CCDC192: variants seen among roughly 807,000 people sequenced by gnomAD.
CCDC192 encodes the protein coiled-coil domain-containing protein 192.
chr5:127,723,028 C>G (rs1752115160), intron 2 of CCDC192, among the ~76,000 whole-genome samples: 1 of 152,064 alleles, frequency 6.6e-6, no homozygotes, highest in African/African-American at 2.4e-5. Flanking sequence ...TGCATTGAAT[C>G]CGTACATTGC....
At chr5:127,927,955 T>C (rs1182458790) in intron 6 of CCDC192, among the ~76,000 whole-genome samples, 2 of 149,346 alleles carry the variant, frequency 1.3e-5, no homozygotes, top group African/African-American at 5.0e-5. Context: ...TTTTTTTTTT[T>C]TTTGAGACGG....
chr5:127,813,772 A>G (rs1374179530), intron 5 of CCDC192, among the ~76,000 whole-genome samples: 1 of 152,208 alleles, frequency 6.6e-6, no homozygotes, highest in African/African-American at 2.4e-5. Flanking sequence ...TTAAATATGA[A>G]TCATCTTAAA....
chr5:127,839,261 AT>A (rs1255824179), intron 5 of CCDC192, among the ~76,000 whole-genome samples: 1 of 152,246 alleles, frequency 6.6e-6, no homozygotes, highest in African/African-American at 2.4e-5. Context: ...GTAGATGACC[AT>A]TCAAAGTCAT....
At chr5:127,805,743 G>C (rs759529587) in intron 5 of CCDC192, among the ~76,000 whole-genome samples, 4 of 152,262 alleles carry the variant, frequency 2.6e-5, no homozygotes, top group Middle Eastern at 3.4e-3. Context: ...TGTTGCATGT[G>C]TTCATTATAT....
At chr5:127,720,827 G>A (rs1212656227) in intron 2 of CCDC192, among the ~76,000 whole-genome samples, 1 of 152,204 alleles carries the variant, frequency 6.6e-6, no homozygotes, top group Non-Finnish European at 1.5e-5. Context: ...TGAAACAACA[G>A]GCTGAGCTGT....
At chr5:127,782,178 G>A (rs1421027425) in intron 3 of CCDC192, among the ~76,000 whole-genome samples, 3 of 152,158 alleles carry the variant, frequency 2.0e-5, no homozygotes, top group Non-Finnish European at 4.4e-5. Context: ...ACTTGATCAT[G>A]GTGGATTATC....
At chr5:127,725,919 T>C (rs960531988) in intron 2 of CCDC192, among the ~76,000 whole-genome samples, 1 of 152,198 alleles carries the variant, frequency 6.6e-6, no homozygotes, top group African/African-American at 2.4e-5. Flanking sequence ...AAGATTATTA[T>C]TAATTTCACT....
At chr5:127,769,986 A>G (rs939615547) in intron 3 of CCDC192, among the ~76,000 whole-genome samples, 2 of 152,062 alleles carry the variant, frequency 1.3e-5, no homozygotes, top group African/African-American at 4.8e-5. Flanking sequence ...TTGAGAGAGA[A>G]TGGGCAAAGA....
At chr5:127,868,009 C>CTTTTTTT (rs11440985) in intron 5 of CCDC192, among the ~76,000 whole-genome samples, 3 of 133,478 alleles carry the variant, frequency 2.2e-5, no homozygotes, top group Non-Finnish European at 3.2e-5. Flanking sequence ...TTTTCTTTTT[C>CTTTTTTT]TTTTTTTTTT....
chr5:127,940,668 C>T (rs1286261230), intron 6 of CCDC192: 1 of 152,184 alleles, frequency 6.6e-6, no homozygotes, highest in Non-Finnish European at 1.5e-5. Flanking sequence ...CCAGGATGGT[C>T]TCGATCTCCT....
chr5:127,784,788 T>A, intron 3 of CCDC192: 2 of 487,664 alleles, frequency 4.1e-6, no homozygotes, highest in South Asian at 3.4e-5. Flanking sequence ...CTCATCTTCA[T>A]GATTCTCATG....
In CCDC192 at chr5:127,941,476, A is replaced by G. The variant is rs1021128175; in HGVS notation, c.*8A>G. 3 of 398,954 alleles carry G rather than the reference A, an allele frequency of 7.5e-6. No individual in the cohort carries two copies. Among genetic ancestry groups the G allele is most frequent in the South Asian group, 1.3e-4 (1 of 7,860 alleles). 24.7% of individuals were successfully genotyped at this position (398,954 alleles called of 1,614,324 possible). A position where few individuals can be genotyped will look rare whatever the true frequency, so the allele number is the denominator to read the frequency against. On this transcript the variant is annotated 3_prime_UTR_variant, in exon 7 of 7. Transcript: ENST00000514853. ...TCTGATGAGAATTTGTAGATTCCCA[A>G]TAAGAAAACAATAAAAGTTTATTAA...
At chr5:127,933,557 G>T (rs1009217087) in intron 6 of CCDC192, among the ~76,000 whole-genome samples, 8 of 152,168 alleles carry the variant, frequency 5.3e-5, no homozygotes, top group African/African-American at 1.9e-4. Context: ...CGAGTGGTTA[G>T]AGACAAGTGT....
At chr5:127,773,249 G>T (rs1365389102) in intron 3 of CCDC192, among the ~76,000 whole-genome samples, 1 of 152,100 alleles carries the variant, frequency 6.6e-6, no homozygotes, top group Non-Finnish European at 1.5e-5. Flanking sequence ...CTAAACCTAA[G>T]AAAATCATTT....
chr5:127,912,697 C>T (rs1206659097), intron 6 of CCDC192, among the ~76,000 whole-genome samples: 1 of 152,174 alleles, frequency 6.6e-6, no homozygotes, highest in Non-Finnish European at 1.5e-5. Flanking sequence ...GGAGGAGGAA[C>T]TCTTCACTCT....
At chr5:127,823,803 G>A (rs1003166521) in intron 5 of CCDC192, among the ~76,000 whole-genome samples, 1 of 152,210 alleles carries the variant, frequency 6.6e-6, no homozygotes, top group Admixed American at 6.5e-5. Context: ...TGTTTCAGAA[G>A]TGTTATTAAA....
At chr5:127,770,056 C>T (rs1445089761) in intron 3 of CCDC192, among the ~76,000 whole-genome samples, 1 of 152,110 alleles carries the variant, frequency 6.6e-6, no homozygotes, top group Non-Finnish European at 1.5e-5. Context: ...TCTAGGGATG[C>T]CTCTACTTCC....
chr5:127,800,402 C>CAAAAAAAAAATAAAA (rs772597286), intron 5 of CCDC192, among the ~76,000 whole-genome samples: 1 of 88,290 alleles, frequency 1.1e-5, no homozygotes, highest in African/African-American at 4.9e-5. Context: ...AAAAAAAAAA[C>CAAAAAAAAAATAAAA]AACAACAACA....
intron 6 of CCDC192, among the ~76,000 whole-genome samples, chr5:127,875,928 C>A (rs903501813): frequency 2.0e-5 from 3 of 151,918 alleles, no homozygotes; most frequent in African/African-American, 7.3e-5. Context: ...AGTGTCACTG[C>A]ACAAGCTGGG....
Sources: allele counts gnomAD v4.1 joint callset (sites outside exome capture counted in the v4.1 genomes callset), GRCh38; gene constraint gnomAD v4.1.1; transcripts MANE v1.5; gene names NCBI Gene and HGNC (gene_info 2026-07-23, HGNC 2026-07-21).